The following SOX6 variants were observed in gnomAD, a reference collection of about 807,000 sequenced individuals.
The protein encoded by SOX6 is SRY-box transcription factor 6, also known as transcription factor SOX-6.
In SOX6, 11 loss-of-function variants were observed where a neutral mutation model predicts 97.8. The ratio of observed to expected loss-of-function variants is 0.11; its 90% CI spans 0.07 to 0.19. The LOEUF (loss-of-function observed/expected upper bound fraction) is 0.19. Among genes scored for constraint, SOX6 ranks in the 10% least tolerant of loss-of-function variants. The pLI is 1.00. For synonymous variants in SOX6, 360 were observed against 371.4 expected (o/e 0.97, Z 0.35); for missense variants, 810 against 1,039.5 (o/e 0.78, Z 3.04).
At chr11:16,016,048 T>A (rs1779992620) in intron 12 of SOX6, among the ~76,000 whole-genome samples, 1 of 152,064 alleles carries the variant, frequency 6.6e-6, no homozygotes, top group Non-Finnish European at 1.5e-5. Flanking sequence ...TTCAGTCTAT[T>A]GTTCAATGAC....
rs1848386142 is a variant in SOX6, at chr11:16,610,689, C to G, written n.609+1392G>C. On this transcript the variant is annotated intron_variant and non_coding_transcript_variant, in intron 4 of 5. Transcript: ENST00000524520. This position sits in a 1 kb window ranked among gnomAD's most constrained non-coding sequence, Gnocchi z 4.4. ...AAACTAAAATTTGGGGTCTCGATGC[C>G]GCACTTCTGGCTGTGTAAGAGTGAC... Among the ~76,000 whole-genome samples, 1 of 152,180 alleles carries G rather than the reference C, an allele frequency of 6.6e-6. No individual in the cohort carries two copies. The highest frequency in any genetic ancestry group is 1.5e-5 in the Non-Finnish European group (1 of 68,036).
intron 4 of SOX6, among the ~76,000 whole-genome samples, chr11:16,204,217 C>A (rs995696680): frequency 6.6e-5 from 10 of 152,098 alleles, no homozygotes; most frequent in Admixed American, 4.6e-4. Context: ...AAAATTTAAA[C>A]TCTAACTTAA....
intron 9 of SOX6, among the ~76,000 whole-genome samples, chr11:16,075,451 A>G (rs1185831435): frequency 6.6e-6 from 1 of 152,222 alleles, no homozygotes; most frequent in Non-Finnish European, 1.5e-5. Context: ...TGTGACACAT[A>G]TACACCATGG....
At chr11:16,485,916 G>T (rs1301113891) in intron 4 of SOX6, among the ~76,000 whole-genome samples, 21 of 84,374 alleles carry the variant, frequency 2.5e-4, no homozygotes, top group African/African-American at 1.0e-3. Context: ...GGAAGAAAAG[G>T]GAAGGGGAGG....
rs550362989 is a variant in SOX6, at chr11:16,640,189, T to A, written n.430-27929A>T. Among the ~76,000 whole-genome samples, 6 of 152,350 alleles carry A rather than the reference T, an allele frequency of 3.9e-5. No individual in the cohort carries two copies. In the South Asian group the frequency reaches 1.2e-3, roughly 32 times the overall value. ...TTATCATGTGGTTTTTGTCTTTGGT[T>A]CTGTTTATACGCTGGATTACATTTA... On this transcript the variant is annotated intron_variant and non_coding_transcript_variant, in intron 3 of 5. Transcript: ENST00000524520.
At chr11:16,097,563 C>G in intron 8 of SOX6, 46 bp downstream of exon 8, 1 of 1,549,294 alleles carries the variant, frequency 6.5e-7, no homozygotes, top group South Asian at 1.1e-5. Flanking sequence ...CAGTTTTCCA[C>G]TAAAGTACTG....
chr11:16,139,176 GT>G (rs1380625923), intron 6 of SOX6, among the ~76,000 whole-genome samples: 1 of 152,072 alleles, frequency 6.6e-6, no homozygotes, highest in Non-Finnish European at 1.5e-5. Context: ...TATCTACCAG[GT>G]TTTTTCCACT....
chr11:16,152,513 A>T (rs999982837), intron 6 of SOX6, among the ~76,000 whole-genome samples: 53 of 152,342 alleles, frequency 3.5e-4, no homozygotes, highest in African/African-American at 1.3e-3. Flanking sequence ...TTTTCTCTGG[A>T]ATGTATGTAT....
rs539917473 is a variant in SOX6, at chr11:16,085,652, G to A, written c.1101+10344C>T. Among the ~76,000 whole-genome samples the A allele has an allele frequency of 3.3e-5, 5 of 152,248 alleles. No individual in the cohort carries two copies. The East Asian group carries it at 7.7e-4, about 24-fold the overall frequency. On this transcript the variant is annotated intron_variant, in intron 9 of 15. Transcript: ENST00000683767. Reference sequence around the variant, plus strand: ...ATTAAATATAACCCCCTTAGAATACGAGAGGTTAAGTGAGAGCAACATAGC... The same window carrying A: ...ATTAAATATAACCCCCTTAGAATACAAGAGGTTAAGTGAGAGCAACATAGC...
At chr11:16,730,049 TC>T (rs1848337677) in intron 2 of SOX6, among the ~76,000 whole-genome samples, 1 of 148,256 alleles carries the variant, frequency 6.7e-6, no homozygotes. Flanking sequence ...TATATATATA[TC>T]CTAAATATAT....
At chr11:16,511,904 T>C (rs1370541620) in intron 4 of SOX6, among the ~76,000 whole-genome samples, 1 of 152,198 alleles carries the variant, frequency 6.6e-6, no homozygotes, top group Non-Finnish European at 1.5e-5. Flanking sequence ...TTTTGAACTA[T>C]GGCTCTGACA....
intron 9 of SOX6, among the ~76,000 whole-genome samples, chr11:16,090,996 A>C (rs1848673491): frequency 6.6e-6 from 1 of 152,088 alleles, no homozygotes; most frequent in Non-Finnish European, 1.5e-5. Context: ...TTTTACAATG[A>C]AAAAAACTGC....
intron 13 of SOX6, among the ~76,000 whole-genome samples, chr11:16,009,461 A>T (rs1854647805): frequency 6.6e-6 from 1 of 152,060 alleles, no homozygotes; most frequent in African/African-American, 2.4e-5. Flanking sequence ...CAAATCAAGA[A>T]ATGATAAGTT....
intron 2 of SOX6, among the ~76,000 whole-genome samples, chr11:16,338,662 A>G (rs1856538987): frequency 6.6e-6 from 1 of 152,048 alleles, no homozygotes; most frequent in African/African-American, 2.4e-5. Flanking sequence ...CATTCGGAAT[A>G]CACAAAGGCT....
intron 2 of SOX6, among the ~76,000 whole-genome samples, chr11:16,319,639 A>C (rs1453348188): frequency 6.6e-6 from 1 of 151,866 alleles, no homozygotes; most frequent in East Asian, 1.9e-4. Flanking sequence ...GATGGTTTCC[A>C]GCTTCATCCA....
chr11:16,493,985 A>C (rs1253684567), intron 4 of SOX6, among the ~76,000 whole-genome samples: 1 of 152,236 alleles, frequency 6.6e-6, no homozygotes, highest in Non-Finnish European at 1.5e-5. Context: ...TATTGTTAGT[A>C]ACACCAAAAT....
At chr11:16,526,071 T>G (rs1258219097) in intron 4 of SOX6, among the ~76,000 whole-genome samples, 1 of 152,136 alleles carries the variant, frequency 6.6e-6, no homozygotes, top group Non-Finnish European at 1.5e-5. Flanking sequence ...TGGAAGTCAG[T>G]GTGGCGATTC....
intron 3 of SOX6, among the ~76,000 whole-genome samples, chr11:16,701,645 C>G (rs1023305439): frequency 6.6e-5 from 10 of 151,852 alleles, no homozygotes; most frequent in Non-Finnish European, 1.2e-4. Flanking sequence ...ATCACAAGGT[C>G]AGGAGATGAG....
intron 4 of SOX6, among the ~76,000 whole-genome samples, chr11:16,534,306 G>GA (rs1399086003): frequency 1.3e-5 from 2 of 151,994 alleles, no homozygotes; most frequent in Non-Finnish European, 2.9e-5. Context: ...AAGAGACTAG[G>GA]AACCTAAAAG....
Sources: allele counts gnomAD v4.1 joint callset (sites outside exome capture counted in the v4.1 genomes callset), GRCh38; gene constraint gnomAD v4.1.1; non-coding constraint Gnocchi (gnomAD v3.1); transcripts MANE v1.5; gene names NCBI Gene and HGNC (gene_info 2026-07-23, HGNC 2026-07-21).